CACNG5: variants seen among roughly 807,000 people sequenced by gnomAD.
The protein encoded by CACNG5 is voltage-dependent calcium channel gamma-5 subunit.
CACNG5 carries 18 observed loss-of-function variants against 24.8 expected under a neutral mutation model. That is an observed-to-expected ratio of 0.73 (90% CI 0.50 to 1.08). The LOEUF (loss-of-function observed/expected upper bound fraction) is 1.08. CACNG5 is among the 50% of genes least tolerant of loss of function. CACNG5 has a pLI of 0.00. For synonymous variants in CACNG5, 157 were observed against 149.1 expected (o/e 1.05, Z -0.39); for missense variants, 349 against 367.9 (o/e 0.95, Z 0.42).
chr17:66,860,386 C>T (rs140013380), intron 1 of CACNG5, among the ~76,000 whole-genome samples: 2 of 152,122 alleles, frequency 1.3e-5, no homozygotes, highest in African/African-American at 2.4e-5. Context: ...CTTGAAAGCT[C>T]GGAGAGAAAT....
intron 1 of CACNG5, among the ~76,000 whole-genome samples, chr17:66,851,703 A>G (rs1160833110): frequency 2.6e-5 from 4 of 152,220 alleles, no homozygotes; most frequent in Admixed American, 1.3e-4. Flanking sequence ...GAAAGGGAAA[A>G]AGAGAGAGAA....
chr17:66,840,734 G>T (rs1314387152), intron 1 of CACNG5, among the ~76,000 whole-genome samples: 2 of 152,208 alleles, frequency 1.3e-5, no homozygotes, highest in African/African-American at 4.8e-5. Flanking sequence ...CTCCTCCTGT[G>T]TGGGGATGTC....
rs887387934 is a variant in CACNG5, at chr17:66,888,126, C to A, written c.*2886C>A. Among the ~76,000 whole-genome samples the A allele has an allele frequency of 6.6e-6, 1 of 150,962 alleles. No homozygotes were observed. The highest frequency in any genetic ancestry group is 1.5e-5 in the Non-Finnish European group (1 of 67,914). On this transcript the variant is annotated 3_prime_UTR_variant, in exon 6 of 6. Coordinates refer to ENST00000533854, the MANE Select transcript of CACNG5 (RefSeq NM_145811.3). ...AATAAAATAACTTGGGGTAATCAGCCATTAACAGAGAACAATCTGACATTG... is the reference window on the plus strand; with the variant it reads ...AATAAAATAACTTGGGGTAATCAGCAATTAACAGAGAACAATCTGACATTG...
At chr17:66,836,142 G>T (rs1347379840) in intron 1 of CACNG5, among the ~76,000 whole-genome samples, 1 of 152,152 alleles carries the variant, frequency 6.6e-6, no homozygotes, top group African/African-American at 2.4e-5. Context: ...TGCCAGGCAC[G>T]CCGGTGGTTA....
chr17:66,852,548 A>G (rs1976720224), intron 1 of CACNG5, among the ~76,000 whole-genome samples: 2 of 152,222 alleles, frequency 1.3e-5, no homozygotes, highest in South Asian at 4.1e-4. Flanking sequence ...TGTTTTATGC[A>G]AACTTATTTA....
At chr17:66,883,513 T>A (rs548169484) in intron 4 of CACNG5, among the ~76,000 whole-genome samples, 2 of 152,352 alleles carry the variant, frequency 1.3e-5, no homozygotes, top group East Asian at 3.9e-4. Context: ...GAGTAATTAA[T>A]TATGTCTTGA....
chr17:66,842,013 A>C (rs898695066), intron 1 of CACNG5, among the ~76,000 whole-genome samples: 1 of 152,174 alleles, frequency 6.6e-6, no homozygotes, highest in African/African-American at 2.4e-5. Flanking sequence ...TCCATCACAC[A>C]AAAAGTAAAG....
rs1196735666 is a variant in CACNG5, at chr17:66,886,832, C to T, written c.*1592C>T. On this transcript the variant is annotated 3_prime_UTR_variant, in exon 6 of 6. Coordinates refer to ENST00000533854, the MANE Select transcript of CACNG5 (RefSeq NM_145811.3). ...TTCTGGGTACCGGAGTCCAAGATCA[C>T]GGTGTTGGCAGGATTGGTTTCTTCT... 1.3e-5 allele frequency among the ~76,000 whole-genome samples: 2 copies of T among 152,130 alleles called. No homozygotes were observed. The highest frequency in any genetic ancestry group is 6.5e-5 in the Admixed American group (1 of 15,274).
Position 66,884,975 on chromosome 17 carries a change from C to G in CACNG5, c.571-8C>G. On this transcript the variant is annotated splice_polypyrimidine_tract_variant and splice_region_variant and intron_variant, in intron 5 of 5. Coordinates refer to ENST00000533854, the MANE Select transcript of CACNG5 (RefSeq NM_145811.3). ...GCGAGCCCATCCTCTGCTGTCTTCT[C>G]CCTGTAGAGTGCCGGGGTGATGTCT... 6.2e-7 allele frequency: 1 copy of G among 1,614,134 alleles called. No individual in the cohort carries two copies. Among genetic ancestry groups the G allele is most frequent in the East Asian group, 2.2e-5 (1 of 44,858 alleles).
chr17:66,858,616 C>A (rs17711944), intron 1 of CACNG5, among the ~76,000 whole-genome samples: 1 of 151,726 alleles, frequency 6.6e-6, no homozygotes, highest in Non-Finnish European at 1.5e-5. Flanking sequence ...TTTTCCAGAC[C>A]AGTGCTCTCC....
chr17:66,890,241 G>A lies in CACNG5; in HGVS notation c.*5001G>A, dbSNP rs1388907746. 1.4e-5 allele frequency among the ~76,000 whole-genome samples: 2 copies of A among 145,640 alleles called. No individual in the cohort carries two copies. The highest frequency in any genetic ancestry group is 3.1e-5 in the Non-Finnish European group (2 of 63,834). ...GGGTTCATCCATGGTAGCAGTGGCT[G>A]CTCCAGTGTGCCATAGAAGAGACGA... On this transcript the variant is annotated 3_prime_UTR_variant, in exon 6 of 6. Coordinates refer to ENST00000533854, the MANE Select transcript of CACNG5 (RefSeq NM_145811.3).
intron 1 of CACNG5, among the ~76,000 whole-genome samples, chr17:66,874,346 G>T (rs374587114): frequency 1.3e-5 from 2 of 152,246 alleles, no homozygotes; most frequent in East Asian, 1.9e-4. Context: ...GTTCTGTGTT[G>T]CTATAACAGA....
intron 1 of CACNG5, among the ~76,000 whole-genome samples, chr17:66,848,374 G>T (rs960524668): frequency 6.6e-6 from 1 of 152,188 alleles, no homozygotes; most frequent in Non-Finnish European, 1.5e-5. Context: ...ACAGCACACC[G>T]TTGAATGTCA....
rs745605579 is a variant in CACNG5, at chr17:66,892,260, G to A, written c.*7020G>A. Reference sequence around the variant, plus strand: ...CTGGGGCAAGACGCCAAATTCATGGGCTCATGCCCAGCCCTTCTGCCTCTG... The same window carrying A: ...CTGGGGCAAGACGCCAAATTCATGGACTCATGCCCAGCCCTTCTGCCTCTG... On this transcript the variant is annotated 3_prime_UTR_variant, in exon 6 of 6. Coordinates refer to ENST00000533854, the MANE Select transcript of CACNG5 (RefSeq NM_145811.3). Among the ~76,000 whole-genome samples, 1 of 152,244 alleles carries A rather than the reference G, an allele frequency of 6.6e-6. No homozygotes were observed. Among genetic ancestry groups the A allele is most frequent in the Admixed American group, 6.5e-5 (1 of 15,284 alleles).
intron 1 of CACNG5, among the ~76,000 whole-genome samples, chr17:66,836,906 G>C (rs1568059672): frequency 6.6e-6 from 1 of 152,216 alleles, no homozygotes; most frequent in Non-Finnish European, 1.5e-5. Flanking sequence ...CTTGTCAGCT[G>C]GGGCTCTGTG....
chr17:66,888,626 T>C lies in CACNG5; in HGVS notation c.*3386T>C, dbSNP rs1977298046. Among the ~76,000 whole-genome samples, 1 of 151,944 alleles carries C rather than the reference T, an allele frequency of 6.6e-6. No homozygotes were observed. On this transcript the variant is annotated 3_prime_UTR_variant, in exon 6 of 6. Transcript: ENST00000533854. ...GCTCAATAGTCAAAGACAGGTTTAT[T>C]TTGGAGAATAAACCTGAGAGGGGCT...
intron 1 of CACNG5, among the ~76,000 whole-genome samples, chr17:66,870,914 A>AGTTT (rs1453428456): frequency 1.3e-5 from 2 of 151,906 alleles, no homozygotes; most frequent in African/African-American, 4.8e-5. Flanking sequence ...TGGGAGGCAG[A>AGTTT]GTTTGCAGTG....
At chr17:66,881,039 A>G (rs1215608445) in intron 4 of CACNG5, among the ~76,000 whole-genome samples, 1 of 152,120 alleles carries the variant, frequency 6.6e-6, no homozygotes, top group African/African-American at 2.4e-5. Flanking sequence ...GTGCCCAGCC[A>G]CCCTGGACTT....
At chr17:66,872,767 G>A (rs1221568461) in intron 1 of CACNG5, among the ~76,000 whole-genome samples, 1 of 152,082 alleles carries the variant, frequency 6.6e-6, no homozygotes, top group East Asian at 1.9e-4. Flanking sequence ...AGAAATCCTG[G>A]GTCAGAGTGC....
Sources: gnomAD v4.1 joint callset for allele counts (sites outside exome capture counted in the v4.1 genomes callset) on GRCh38, gnomAD v4.1.1 for gene constraint, MANE v1.5 for transcripts, NCBI Gene and HGNC (gene_info 2026-07-23, HGNC 2026-07-21) for gene names.